Variants in BAZ1A observed in about 807,000 individuals in gnomAD.
BAZ1A encodes the protein bromodomain adjacent to zinc finger domain protein 1A.
In BAZ1A, 50 loss-of-function variants were observed where a neutral mutation model predicts 185.2. The ratio of observed to expected loss-of-function variants is 0.27; its 90% CI spans 0.22 to 0.34. The LOEUF (loss-of-function observed/expected upper bound fraction) is 0.34. Ranked by LOEUF, BAZ1A falls within the 10% of genes least tolerant of loss-of-function variation. BAZ1A has a pLI of 1.00. For missense variants in BAZ1A, 1,356 were observed against 1,839.9 expected (o/e 0.74, Z 4.81); for synonymous variants, 571 against 615.6 (o/e 0.93, Z 1.07).
At chr14:34,773,170 G>A (rs1040206282) in intron 20 of BAZ1A, among the ~76,000 whole-genome samples, 10 of 152,004 alleles carry the variant, frequency 6.6e-5, no homozygotes, top group South Asian at 2.1e-4. Flanking sequence ...TCCGCCTCCC[G>A]AGCAGCTGAG....
intron 9 of BAZ1A, among the ~76,000 whole-genome samples, chr14:34,797,376 A>G (rs1362777709): frequency 3.5e-3 from 3 of 858 alleles, no homozygotes; most frequent in Admixed American, 0.037. Context: ...CCTGGCCAAC[A>G]TGGTGAAACC....
rs1555346584 is a variant in BAZ1A, at chr14:34,872,941, A to AAAAC, written c.113+1550_113+1551insGTTT. Among the ~76,000 whole-genome samples the AAAAC allele has an allele frequency of 3.6e-3, 443 of 122,666 alleles. 38 individuals carry two copies. The highest frequency in any genetic ancestry group is 0.014 in the African/African-American group (428 of 30,808). 80.5% of individuals were successfully genotyped at this position (122,666 alleles called of 152,430 possible). Reference sequence around the variant, plus strand: ...AAAAAAAAAAAAAAAAAAAAAAAAAACTTGTCCAATTACCTAATCCAAGTT... The same window carrying AAAAC: ...AAAAAAAAAAAAAAAAAAAAAAAAAAAAACCTTGTCCAATTACCTAATCCAAGTT... On this transcript the variant is annotated intron_variant, in intron 2 of 26. Coordinates refer to ENST00000360310, the MANE Select transcript of BAZ1A (RefSeq NM_013448.3).
intron 21 of BAZ1A, among the ~76,000 whole-genome samples, chr14:34,768,009 T>C (rs1364070684): frequency 6.6e-6 from 1 of 152,192 alleles, no homozygotes; most frequent in East Asian, 1.9e-4. Flanking sequence ...TGCATAGTAC[T>C]GATATAAGGA....
At chr14:34,786,249 G>A (rs1401529277) in intron 12 of BAZ1A, 28 bp from the exon 13 acceptor site, 1 of 1,570,420 alleles carries the variant, frequency 6.4e-7, no homozygotes, top group Non-Finnish European at 8.7e-7. Flanking sequence ...CTTTATTCTA[G>A]TGCAAATCAA....
At chr14:34,803,992 T>G (rs1446373972) in intron 6 of BAZ1A, among the ~76,000 whole-genome samples, 2 of 152,156 alleles carry the variant, frequency 1.3e-5, no homozygotes, top group African/African-American at 2.4e-5. Context: ...CCTTTTAAAG[T>G]TTTTTTAATT....
At chr14:34,820,552 T>C (rs1424337237) in intron 4 of BAZ1A, among the ~76,000 whole-genome samples, 1 of 152,216 alleles carries the variant, frequency 6.6e-6, no homozygotes, top group Non-Finnish European at 1.5e-5. Context: ...ACAAGGTCTT[T>C]TGCAGAGTAA....
intron 4 of BAZ1A, among the ~76,000 whole-genome samples, chr14:34,819,016 C>G (rs1270159981): frequency 6.6e-6 from 1 of 151,712 alleles, no homozygotes. Context: ...TGGCAGGCGC[C>G]TGTAGTCCCA....
At chr14:34,797,789 A>T (rs2138646895) in intron 9 of BAZ1A, among the ~76,000 whole-genome samples, 1 of 152,292 alleles carries the variant, frequency 6.6e-6, no homozygotes, top group Non-Finnish European at 1.5e-5. Context: ...TACCTGGTTC[A>T]TCTCATTGGG....
intron 12 of BAZ1A, among the ~76,000 whole-genome samples, chr14:34,789,122 A>C (rs2138625523): frequency 6.6e-6 from 1 of 152,308 alleles, no homozygotes; most frequent in East Asian, 1.9e-4. Flanking sequence ...ACTAGACCTA[A>C]AATTTCATCA....
chr14:34,831,832 G>A (rs1157826515), intron 3 of BAZ1A, among the ~76,000 whole-genome samples: 2 of 152,092 alleles, frequency 1.3e-5, no homozygotes, highest in African/African-American at 4.8e-5. Flanking sequence ...GGAAAAAAAA[G>A]ACTCAAATTA....
At chr14:34,807,352 T>G (rs1252705033) in intron 6 of BAZ1A, 99 bp downstream of exon 6, 10 of 818,390 alleles carry the variant, frequency 1.2e-5, no homozygotes, top group Non-Finnish European at 1.8e-5. Context: ...AGAGCAATCT[T>G]TAATCATCTT....
In BAZ1A at chr14:34,753,036, T is replaced by A. The variant is rs1044149; in HGVS notation, c.*472A>T. 0.13 allele frequency: 19,232 copies of A among 153,094 alleles called. 1,388 individuals carry two copies. The highest frequency in any genetic ancestry group is 0.22 in the Admixed American group (3,413 of 15,328). The allele number at this position is 153,094 out of a possible 1,614,324, so 9.5% of individuals were successfully genotyped here. ...CCAGCACTGGTACAGCACTTCAAGG[T>A]TATAAGATTGGATTCATTCATGTGT... On this transcript the variant is annotated 3_prime_UTR_variant, in exon 27 of 27. Transcript: ENST00000360310.
At chr14:34,781,037 A>C (rs539156073) in intron 16 of BAZ1A, among the ~76,000 whole-genome samples, 1 of 152,212 alleles carries the variant, frequency 6.6e-6, no homozygotes, top group African/African-American at 2.4e-5. Context: ...AACAGGCAGA[A>C]TGAACACAAT....
chr14:34,839,336 A>C (rs1214127017), intron 3 of BAZ1A, among the ~76,000 whole-genome samples: 1 of 151,134 alleles, frequency 6.6e-6, no homozygotes, highest in African/African-American at 2.4e-5. Context: ...GCTTGAGCTC[A>C]GGAGTTCAAG....
At chr14:34,757,041 G>A (rs1481227213) in intron 25 of BAZ1A, among the ~76,000 whole-genome samples, 1 of 152,102 alleles carries the variant, frequency 6.6e-6, no homozygotes, top group Non-Finnish European at 1.5e-5. Context: ...AAACATTGAG[G>A]TCATTGTAAC....
intron 26 of BAZ1A, 53 bp from the exon 27 acceptor site, chr14:34,753,757 A>T: frequency 2.2e-6 from 3 of 1,336,224 alleles, no homozygotes; most frequent in Non-Finnish European, 3.0e-6. Flanking sequence ...AAATTATAAT[A>T]AATATAATTC....
rs34861206 is a variant in BAZ1A, at chr14:34,764,289, C to CTTTTTTTT, written c.3776+410_3776+417dup. On this transcript the variant is annotated intron_variant, in intron 23 of 26. Coordinates refer to ENST00000360310, the MANE Select transcript of BAZ1A (RefSeq NM_013448.3). ...TATACGTTAGTTTCTTTTTTCTTTTCTTTTTTTTTTTTTTTTTTTGAGATG... is the reference window on the plus strand; with the variant it reads ...TATACGTTAGTTTCTTTTTTCTTTTCTTTTTTTTTTTTTTTTTTTTTTTTTTTGAGATG... 1.3e-4 allele frequency among the ~76,000 whole-genome samples: 14 copies of CTTTTTTTT among 111,850 alleles called. 1 individual carries two copies. The highest frequency in any genetic ancestry group is 3.5e-4 in the African/African-American group (10 of 28,638). 73.4% of individuals were successfully genotyped at this position (111,850 alleles called of 152,430 possible).
chr14:34,794,825 C>G lies in BAZ1A; in HGVS notation c.1287G>C (p.Leu429=). 6.2e-7 allele frequency: 1 copy of G among 1,614,150 alleles called. No homozygotes were observed. Among genetic ancestry groups the G allele is most frequent in the South Asian group, 1.1e-5 (1 of 91,080 alleles). ...ATGCATTAAGGAACTCCAAAACCAT[C>G]AGAGCATCACCAAAGATTTCAGGAG... ...RLPPEIFGDA[L]MVLEFLNAFG... The change falls in exon 11 of 27, where the codon CTG becomes CTC. Residue 429 remains leucine (L), a synonymous_variant. Transcript: ENST00000360310.
At chr14:34,828,368 C>A (rs1464449002) in intron 3 of BAZ1A, among the ~76,000 whole-genome samples, 2 of 151,546 alleles carry the variant, frequency 1.3e-5, no homozygotes, top group Non-Finnish European at 2.9e-5. Flanking sequence ...GAAAAGACAG[C>A]ACCTGTTTTC....
Sources: gnomAD v4.1 joint callset for allele counts (sites outside exome capture counted in the v4.1 genomes callset) on GRCh38, gnomAD v4.1.1 for gene constraint, MANE v1.5 for transcripts, NCBI Gene and HGNC (gene_info 2026-07-23, HGNC 2026-07-21) for gene names.